Variants in CHODL observed in about 807,000 individuals in gnomAD.
CHODL encodes the protein chondrolectin, also known as transmembrane protein MT75.
Under a neutral mutation model 34.5 loss-of-function variants are expected in CHODL, and 29 were observed. That is an observed-to-expected ratio of 0.84 (90% CI 0.63 to 1.15). CHODL has a LOEUF of 1.15. CHODL is among the 50% of genes most tolerant of loss of function. The pLI is 0.00. For missense variants in CHODL, 332 were observed against 332.5 expected, an observed-to-expected ratio of 1.00 and a Z score of 0.01; for synonymous variants, 125 against 116.1, an observed-to-expected ratio of 1.08 and a Z score of -0.49.
At chr21:17,933,165 T>C (rs1031855874) in intron 1 of CHODL, among the ~76,000 whole-genome samples, 7 of 152,190 alleles carry the variant, frequency 4.6e-5, no homozygotes, top group Non-Finnish European at 1.5e-5. Context: ...CACTGAGACA[T>C]TCCATTGCCC....
intron 2 of CHODL, among the ~76,000 whole-genome samples, chr21:18,163,850 T>G (rs182115777): frequency 1.3e-5 from 2 of 152,208 alleles, no homozygotes; most frequent in Non-Finnish European, 2.9e-5. Flanking sequence ...GCAAGAGTAC[T>G]GATCAATCAA....
At chr21:18,104,547 C>A (rs567303804) in intron 2 of CHODL, among the ~76,000 whole-genome samples, 6 of 152,246 alleles carry the variant, frequency 3.9e-5, no homozygotes, top group African/African-American at 1.4e-4. Context: ...ATAAAATATA[C>A]CATAGTCATA....
chr21:18,033,435 A>G (rs1221398687), intron 2 of CHODL, among the ~76,000 whole-genome samples: 4 of 152,036 alleles, frequency 2.6e-5, no homozygotes, highest in African/African-American at 4.8e-5. Flanking sequence ...TATTCTCTTC[A>G]GGTGGTATCA....
chr21:18,166,422 G>A (rs1191870924), intron 2 of CHODL, among the ~76,000 whole-genome samples: 1 of 152,140 alleles, frequency 6.6e-6, no homozygotes, highest in African/African-American at 2.4e-5. Context: ...GTACAATCAA[G>A]GGAGTGATAC....
At chr21:18,084,313 AG>A (rs2064977320) in intron 2 of CHODL, among the ~76,000 whole-genome samples, 2 of 151,854 alleles carry the variant, frequency 1.3e-5, no homozygotes, top group Non-Finnish European at 2.9e-5. Context: ...TTCAAACTAT[AG>A]GTTTAGTTCT....
At chr21:18,101,043 A>G (rs2065206783) in intron 2 of CHODL, among the ~76,000 whole-genome samples, 1 of 152,134 alleles carries the variant, frequency 6.6e-6, no homozygotes, top group African/African-American at 2.4e-5. Context: ...CCCAAATCTC[A>G]TCTTGTAGCT....
chr21:18,039,593 C>T (rs77656806), intron 2 of CHODL, among the ~76,000 whole-genome samples: 2,586 of 151,672 alleles, frequency 0.017, 161 homozygotes, highest in East Asian at 0.15. Context: ...ACTTTTCATT[C>T]GACATCTAAG....
chr21:18,238,355 G>A lies in CHODL; in HGVS notation c.-44-18154G>A, dbSNP rs148517374. Among the ~76,000 whole-genome samples, 606 of 152,168 alleles carry A rather than the reference G, an allele frequency of 4.0e-3. 4 individuals are homozygous for A. The highest frequency in any genetic ancestry group is 0.012 in the African/African-American group (517 of 41,512). On this transcript the variant is annotated intron_variant, in intron 2 of 6. Transcript: ENST00000400127. ...CTCAGAATCATGGTGGGAGGCAAAA[G>A]GCACTTCTTACATGGTGGTGGCAAG...
intron 1 of CHODL, among the ~76,000 whole-genome samples, chr21:18,246,407 C>A (rs1031918156): frequency 3.3e-5 from 5 of 152,104 alleles, no homozygotes; most frequent in South Asian, 4.1e-4. Context: ...TGAAGCCAGA[C>A]CTTTAGACAT....
intron 2 of CHODL, among the ~76,000 whole-genome samples, chr21:18,128,606 G>T (rs1039097553): frequency 6.6e-6 from 1 of 152,082 alleles, no homozygotes; most frequent in Non-Finnish European, 1.5e-5. Flanking sequence ...ATGGTGTATG[G>T]TGAGGATGTG....
intron 3 of CHODL, among the ~76,000 whole-genome samples, chr21:18,258,372 A>G (rs1230256154): frequency 6.6e-6 from 1 of 152,156 alleles, no homozygotes; most frequent in Non-Finnish European, 1.5e-5. Flanking sequence ...ACTTAAGACT[A>G]CTGGATAATA....
At chr21:18,106,849 A>C (rs567734203) in intron 2 of CHODL, among the ~76,000 whole-genome samples, 4 of 152,270 alleles carry the variant, frequency 2.6e-5, no homozygotes, top group Admixed American at 2.6e-4. Context: ...AGGAGTTAGA[A>C]CACCAAAGGA....
chr21:18,130,961 A>C (rs940123600), intron 2 of CHODL, among the ~76,000 whole-genome samples: 1 of 152,158 alleles, frequency 6.6e-6, no homozygotes, highest in African/African-American at 2.4e-5. Flanking sequence ...GGGTGGCTTA[A>C]ACAACAGAAA....
At chr21:18,016,656 A>G (rs567085915) in intron 1 of CHODL, among the ~76,000 whole-genome samples, 3 of 152,276 alleles carry the variant, frequency 2.0e-5, no homozygotes, top group East Asian at 3.9e-4. Flanking sequence ...TGCCTAGTGG[A>G]CCTATGAAAA....
At chr21:18,102,127 C>T (rs2065222633) in intron 2 of CHODL, among the ~76,000 whole-genome samples, 2 of 152,070 alleles carry the variant, frequency 1.3e-5, no homozygotes, top group African/African-American at 4.8e-5. Flanking sequence ...TTATAGCTGC[C>T]CACATCATCC....
At chr21:18,054,468 A>G (rs1002327279) in intron 2 of CHODL, among the ~76,000 whole-genome samples, 2 of 152,024 alleles carry the variant, frequency 1.3e-5, no homozygotes, top group African/African-American at 4.8e-5. Flanking sequence ...GTCATGGATG[A>G]ACCTGGAGGA....
chr21:18,110,738 T>G (rs2065338150), intron 2 of CHODL, among the ~76,000 whole-genome samples: 1 of 152,224 alleles, frequency 6.6e-6, no homozygotes, highest in South Asian at 2.1e-4. Context: ...TCCCACTTTG[T>G]AAGTATAAAT....
At chr21:17,922,221 A>T (rs1286043237) in intron 1 of CHODL, among the ~76,000 whole-genome samples, 2 of 152,032 alleles carry the variant, frequency 1.3e-5, no homozygotes, top group Non-Finnish European at 2.9e-5. Context: ...AAAAAAAAAA[A>T]CACTGTACCT....
rs1191519008 is a variant in CHODL at position 18,226,817 on chromosome 21, AAGAG to A, written c.-44-29682_-44-29679del. On this transcript the variant is annotated intron_variant, in intron 2 of 6. Transcript: ENST00000400127. Reference sequence around the variant, plus strand: ...AAGTAGTAGTAATTTTTTTCTCCAGAAGAGAGAGAGAGAAATGATGGTTACACAG... The same window carrying A: ...AAGTAGTAGTAATTTTTTTCTCCAGAAGAGAGAGAAATGATGGTTACACAG... Among the ~76,000 whole-genome samples, 4 of 151,604 alleles carry A rather than the reference AAGAG, an allele frequency of 2.6e-5. No individual in the cohort carries two copies. The East Asian group carries it at 7.7e-4, about 29-fold the overall frequency.
Sources: gnomAD v4.1 joint callset for allele counts (sites outside exome capture counted in the v4.1 genomes callset) on GRCh38, gnomAD v4.1.1 for gene constraint, MANE v1.5 for transcripts, NCBI Gene and HGNC (gene_info 2026-07-23, HGNC 2026-07-21) for gene names.